The following PRR14L variants were observed in gnomAD, a reference collection of about 807,000 sequenced individuals.
PRR14L encodes the protein proline rich 14 like.
A neutral mutation model predicts 155.0 loss-of-function variants in PRR14L; 80 were observed. The observed-to-expected ratio is 0.52, with a 90% CI of 0.43 to 0.62. The LOEUF (loss-of-function observed/expected upper bound fraction) is 0.62, where lower values mean the gene tolerates loss of function less well. Among genes scored for constraint, PRR14L ranks in the 20% least tolerant of loss-of-function variants. PRR14L has a pLI of 0.00. For synonymous variants in PRR14L, 883 were observed against 916.0 expected (o/e 0.96, Z 0.65); for missense variants, 2,469 against 2,548.0 (o/e 0.97, Z 0.67).
intron 7 of PRR14L, among the ~76,000 whole-genome samples, chr22:31,693,063 C>T (rs561515542): frequency 4.6e-5 from 7 of 152,232 alleles, no homozygotes; most frequent in African/African-American, 1.7e-4. Flanking sequence ...CCAGAGTGTA[C>T]AACTGTTGTA....
chr22:31,685,370 A>G lies in PRR14L; in HGVS notation c.*157T>C. ...GTTTCTAAAAAGGTTGCACCTTGAA[A>G]TAGGTAAAAATTCATGGACTGTGCA... On this transcript the variant is annotated 3_prime_UTR_variant, in exon 9 of 9. Transcript: ENST00000327423. The G allele has an allele frequency of 1.6e-6, 1 of 632,122 alleles. No homozygotes were observed. 39.2% of individuals were successfully genotyped at this position (632,122 alleles called of 1,614,324 possible). A position where few individuals can be genotyped will look rare whatever the true frequency, so the allele number is the denominator to read the frequency against.
intron 4 of PRR14L, among the ~76,000 whole-genome samples, chr22:31,711,826 G>C (rs780367887): frequency 6.1e-5 from 9 of 147,360 alleles, no homozygotes; most frequent in Non-Finnish European, 1.2e-4. Context: ...TTGATGGTTT[G>C]AAGAATGAAA....
At chr22:31,687,506 A>C (rs1284484878) in intron 8 of PRR14L, among the ~76,000 whole-genome samples, 2 of 151,044 alleles carry the variant, frequency 1.3e-5, no homozygotes, top group Non-Finnish European at 2.9e-5. Flanking sequence ...GGTGTGAGCC[A>C]CCATGCCCGG....
chr22:31,726,551 G>C (rs1467676593), intron 2 of PRR14L, among the ~76,000 whole-genome samples: 2 of 152,202 alleles, frequency 1.3e-5, no homozygotes, highest in Non-Finnish European at 2.9e-5. Context: ...AAAGGCATGA[G>C]ACACCGCGCC....
chr22:31,686,298 C>T (rs897725603), intron 8 of PRR14L, among the ~76,000 whole-genome samples: 1 of 147,568 alleles, frequency 6.8e-6, no homozygotes, highest in Non-Finnish European at 1.5e-5. Context: ...TTAGTAGAGA[C>T]AGGGTTTCAC....
intron 1 of PRR14L, among the ~76,000 whole-genome samples, chr22:31,747,457 G>C (rs1449657037): frequency 6.7e-6 from 1 of 149,852 alleles, no homozygotes. Context: ...CAGGAAGCCA[G>C]GGTCCCTTAT....
At chr22:31,734,421 G>C (rs2074767556) in intron 2 of PRR14L, among the ~76,000 whole-genome samples, 1 of 152,154 alleles carries the variant, frequency 6.6e-6, no homozygotes, top group African/African-American at 2.4e-5. Context: ...GGGATATTTT[G>C]TCAATATAGC....
At chr22:31,747,157 C>G (rs1173040998) in intron 1 of PRR14L, among the ~76,000 whole-genome samples, 1 of 147,906 alleles carries the variant, frequency 6.8e-6, no homozygotes, top group Non-Finnish European at 1.5e-5. Flanking sequence ...GTTTCCCAGG[C>G]TGGAGTGCAA....
intron 2 of PRR14L, among the ~76,000 whole-genome samples, chr22:31,726,440 T>C (rs527982879): frequency 3.3e-5 from 5 of 152,184 alleles, no homozygotes; most frequent in Non-Finnish European, 4.4e-5. Context: ...CTAATTTTTG[T>C]ATTTTTAGTA....
chr22:31,746,986 A>G (rs2074842147), intron 1 of PRR14L, among the ~76,000 whole-genome samples: 1 of 151,302 alleles, frequency 6.6e-6, no homozygotes, highest in Non-Finnish European at 1.5e-5. Context: ...TTTTATTTTT[A>G]GTAGAGACGG....
intron 1 of PRR14L, among the ~76,000 whole-genome samples, chr22:31,741,662 A>T (rs2147877652): frequency 6.6e-6 from 1 of 152,310 alleles, no homozygotes. Context: ...ACCTGAGGTC[A>T]GGAGTTAGAG....
At chr22:31,745,502 T>A (rs2074832903) in intron 1 of PRR14L, among the ~76,000 whole-genome samples, 1 of 152,138 alleles carries the variant, frequency 6.6e-6, no homozygotes, top group Non-Finnish European at 1.5e-5. Flanking sequence ...GACATTCAAG[T>A]TCTTTAAATT....
intron 7 of PRR14L, among the ~76,000 whole-genome samples, chr22:31,691,933 T>C (rs1319653196): frequency 6.6e-6 from 1 of 151,844 alleles, no homozygotes; most frequent in African/African-American, 2.4e-5. Flanking sequence ...AGTGGCATGA[T>C]CTTAGCTCAC....
chr22:31,749,319 A>G (rs1181161225), intron 1 of PRR14L, among the ~76,000 whole-genome samples: 1 of 152,208 alleles, frequency 6.6e-6, no homozygotes, highest in Non-Finnish European at 1.5e-5. Flanking sequence ...AGAGGCTTAA[A>G]GGGAAGAAGA....
At chr22:31,686,749 T>A (rs74994536) in intron 8 of PRR14L, among the ~76,000 whole-genome samples, 5,490 of 152,130 alleles carry the variant, frequency 0.036, 303 homozygotes, top group African/African-American at 0.12. Context: ...TCGTTTTTTT[T>A]AAATGGTTAC....
chr22:31,721,919 G>T (rs986758881), intron 3 of PRR14L, among the ~76,000 whole-genome samples: 1 of 152,146 alleles, frequency 6.6e-6, no homozygotes, highest in African/African-American at 2.4e-5. Flanking sequence ...AATGCACTGA[G>T]GGGAGAGTGT....
intron 1 of PRR14L, among the ~76,000 whole-genome samples, chr22:31,739,260 T>C (rs1301854562): frequency 6.6e-6 from 1 of 152,230 alleles, no homozygotes; most frequent in Non-Finnish European, 1.5e-5. Context: ...GTTTTCTGTT[T>C]GTTTTCATGG....
At chr22:31,703,429 G>C (rs1010434177) in intron 6 of PRR14L, 121 bp downstream of exon 6, 2 of 924,598 alleles carry the variant, frequency 2.2e-6, no homozygotes, top group Non-Finnish European at 3.3e-6. Context: ...GAACTCGGCT[G>C]ACACTGAAGG....
At chr22:31,741,600 G>A (rs1266919642) in intron 1 of PRR14L, among the ~76,000 whole-genome samples, 4 of 152,126 alleles carry the variant, frequency 2.6e-5, no homozygotes, top group Admixed American at 6.6e-5. Flanking sequence ...GGCTGGGTGC[G>A]GTGGCTCATG....
Sources: gnomAD v4.1 joint callset for allele counts (sites outside exome capture counted in the v4.1 genomes callset) on GRCh38, gnomAD v4.1.1 for gene constraint, MANE v1.5 for transcripts, NCBI Gene and HGNC (gene_info 2026-07-23, HGNC 2026-07-21) for gene names.